Variants in LY86 observed in about 807,000 individuals in gnomAD.
The protein encoded by LY86 is MD-1, RP105-associated.
A neutral mutation model predicts 17.3 loss-of-function variants in LY86; 20 were observed. That is an observed-to-expected ratio of 1.15 (90% CI 0.81 to 1.68). The LOEUF (loss-of-function observed/expected upper bound fraction) is 1.68. Ranked by LOEUF, LY86 falls within the 40% of genes most tolerant of loss-of-function variation. LY86 has a pLI of 0.00. For missense variants in LY86, 200 were observed against 191.9 expected (o/e 1.04, Z -0.25); for synonymous variants, 74 against 70.6 (o/e 1.05, Z -0.24).
At chr6:6,614,223 A>G (rs1761489571) in intron 1 of LY86, among the ~76,000 whole-genome samples, 1 of 152,206 alleles carries the variant, frequency 6.6e-6, no homozygotes, top group Non-Finnish European at 1.5e-5. Context: ...CCGCAGAAGA[A>G]CCACACCCAA....
chr6:6,593,815 C>T lies in LY86; in HGVS notation c.136+4945C>T, dbSNP rs553423539. Among the ~76,000 whole-genome samples, 5 of 152,300 alleles carry T rather than the reference C, an allele frequency of 3.3e-5. No homozygotes were observed. The South Asian group carries it at 1.0e-3, about 32-fold the overall frequency. ...TACTGAGAGGCCATGGTGACTCAAA[C>T]CCGCTGTTTCTCATGATGCCCCTTG... On this transcript the variant is annotated intron_variant, in intron 1 of 4. Coordinates refer to ENST00000230568, the MANE Select transcript of LY86 (RefSeq NM_004271.4).
At chr6:6,629,565 G>A (rs1042514617) in intron 3 of LY86, among the ~76,000 whole-genome samples, 1 of 152,256 alleles carries the variant, frequency 6.6e-6, no homozygotes, top group African/African-American at 2.4e-5. Flanking sequence ...GTGGCACATT[G>A]TGGTGTCACT....
chr6:6,608,645 A>C (rs1394669237), intron 1 of LY86, among the ~76,000 whole-genome samples: 1 of 152,252 alleles, frequency 6.6e-6, no homozygotes, highest in Non-Finnish European at 1.5e-5. Flanking sequence ...CATGCACACT[A>C]ACAGTTTTTA....
intron 1 of LY86, among the ~76,000 whole-genome samples, chr6:6,589,470 G>A (rs1301083375): frequency 6.6e-6 from 1 of 152,206 alleles, no homozygotes; most frequent in Non-Finnish European, 1.5e-5. Flanking sequence ...ACCCCAGCGG[G>A]CCAACCCAAT....
At chr6:6,602,399 G>C (rs902631571) in intron 1 of LY86, among the ~76,000 whole-genome samples, 1 of 152,156 alleles carries the variant, frequency 6.6e-6, no homozygotes, top group Non-Finnish European at 1.5e-5. Context: ...GACAGCCGAA[G>C]GCAAGAAACC....
intron 1 of LY86, among the ~76,000 whole-genome samples, chr6:6,618,529 G>A (rs1159801662): frequency 1.3e-5 from 2 of 151,986 alleles, no homozygotes; most frequent in African/African-American, 2.4e-5. Context: ...TATTCACCAA[G>A]GTTGCCAGGC....
At chr6:6,612,332 T>C (rs1761384555) in intron 1 of LY86, among the ~76,000 whole-genome samples, 1 of 152,224 alleles carries the variant, frequency 6.6e-6, no homozygotes, top group Non-Finnish European at 1.5e-5. Context: ...CTGCAGACCC[T>C]CGCAGTAAGC....
chr6:6,650,614 C>T (rs1293668282), intron 4 of LY86, among the ~76,000 whole-genome samples: 1 of 151,896 alleles, frequency 6.6e-6, no homozygotes, highest in African/African-American at 2.4e-5. Context: ...ATTACAGGCC[C>T]CTCAGAGAAT....
At chr6:6,605,098 T>G (rs553526923) in intron 1 of LY86, among the ~76,000 whole-genome samples, 3 of 151,146 alleles carry the variant, frequency 2.0e-5, no homozygotes, top group Non-Finnish European at 4.4e-5. Flanking sequence ...GTACTTGAAA[T>G]GACCCCAGAA....
chr6:6,654,207 G>A (rs1029960848), intron 4 of LY86, among the ~76,000 whole-genome samples: 2 of 152,046 alleles, frequency 1.3e-5, no homozygotes, highest in African/African-American at 4.8e-5. Context: ...CCTAAATGTC[G>A]TCGTCTCAGC....
intron 3 of LY86, among the ~76,000 whole-genome samples, chr6:6,638,782 A>G (rs1457929251): frequency 1.3e-5 from 2 of 148,748 alleles, no homozygotes; most frequent in Non-Finnish European, 3.0e-5. Context: ...AGCATTAGTT[A>G]TATCTCCTAA....
chr6:6,595,371 A>G (rs1003045332), intron 1 of LY86, among the ~76,000 whole-genome samples: 9 of 15,448 alleles, frequency 5.8e-4, no homozygotes, highest in Admixed American at 2.5e-3. Flanking sequence ...GGGAGAAGAA[A>G]GAAGAGAGGG....
At chr6:6,616,457 C>A (rs1761556690) in intron 1 of LY86, among the ~76,000 whole-genome samples, 1 of 152,214 alleles carries the variant, frequency 6.6e-6, no homozygotes, top group African/African-American at 2.4e-5. Context: ...TGCCTGAAAT[C>A]TCAGTCTCTT....
chr6:6,615,719 C>CAAAAAAAAAAAAAAAAA (rs373207405), intron 1 of LY86, among the ~76,000 whole-genome samples: 1 of 91,746 alleles, frequency 1.1e-5, no homozygotes, highest in African/African-American at 4.3e-5. Flanking sequence ...GATGTTGTCT[C>CAAAAAAAAAAAAAAAAA]AAAAAAAAAA....
At chr6:6,634,115 G>T (rs1225534272) in intron 3 of LY86, among the ~76,000 whole-genome samples, 1 of 152,196 alleles carries the variant, frequency 6.6e-6, no homozygotes, top group Non-Finnish European at 1.5e-5. Context: ...GCGCATCCAT[G>T]CCTGCACAAG....
rs1271158930 is a variant in LY86, at chr6:6,640,402, T to TA, written c.353-9218dup. 7.3e-4 allele frequency among the ~76,000 whole-genome samples: 97 copies of TA among 132,014 alleles called. 1 individual carries two copies. The highest frequency in any genetic ancestry group is 5.6e-3 in the South Asian group (23 of 4,114). 86.6% of individuals were successfully genotyped at this position (132,014 alleles called of 152,430 possible). On this transcript the variant is annotated intron_variant, in intron 3 of 4. Transcript: ENST00000230568. ...GAGAAACCCCATCTCTGGAAAAAAA[T>TA]AAAAATAAAAAAAAAAGGCAGGAGG... is the stretch of plus-strand genomic sequence containing the variant.
intron 3 of LY86, 50 bp from the exon 4 acceptor site, chr6:6,649,575 T>C: frequency 8.5e-7 from 1 of 1,176,288 alleles, no homozygotes; most frequent in Non-Finnish European, 1.2e-6. Context: ...GAATGAATCA[T>C]TTTTTTAAAT....
intron 1 of LY86, among the ~76,000 whole-genome samples, chr6:6,624,646 T>C (rs770781980): frequency 6.6e-6 from 1 of 152,192 alleles, no homozygotes; most frequent in East Asian, 1.9e-4. Context: ...AAACATTTTC[T>C]ATGATAAAAA....
At chr6:6,594,425 C>A (rs192385220) in intron 1 of LY86, among the ~76,000 whole-genome samples, 1 of 148,432 alleles carries the variant, frequency 6.7e-6, no homozygotes, top group African/African-American at 2.4e-5. Context: ...CACAGCTGCA[C>A]CCATTCTTTT....
Sources: allele counts gnomAD v4.1 joint callset (sites outside exome capture counted in the v4.1 genomes callset), GRCh38; gene constraint gnomAD v4.1.1; transcripts MANE v1.5; gene names NCBI Gene and HGNC (gene_info 2026-07-23, HGNC 2026-07-21).